The following SIDT2 variants were observed in gnomAD, a reference collection of about 807,000 sequenced individuals.
The protein encoded by SIDT2 is SID1 transmembrane family, member 2.
A neutral mutation model predicts 114.4 loss-of-function variants in SIDT2; 68 were observed. The ratio of observed to expected loss-of-function variants is 0.59; its 90% CI spans 0.49 to 0.73. The LOEUF (loss-of-function observed/expected upper bound fraction) is 0.73. Among genes scored for constraint, SIDT2 ranks in the 30% least tolerant of loss-of-function variants. SIDT2 has a pLI of 0.00. For synonymous variants in SIDT2, 470 were observed against 438.4 expected, an observed-to-expected ratio of 1.07 and a Z score of -0.90; for missense variants, 918 against 1,097.1, an observed-to-expected ratio of 0.84 and a Z score of 2.31.
intron 24 of SIDT2, among the ~76,000 whole-genome samples, chr11:117,195,597 C>T (rs1389108353): frequency 6.6e-6 from 1 of 152,106 alleles, no homozygotes; most frequent in African/African-American, 2.4e-5. Context: ...GGAAGAGAAG[C>T]CAGTGAACTC....
At chr11:117,181,723 G>A (rs1017865132) in intron 2 of SIDT2, 84 bp from the exon 3 acceptor site, 25 of 1,593,420 alleles carry the variant, frequency 1.6e-5, no homozygotes, top group African/African-American at 1.1e-4. Flanking sequence ...GAGACCAGAC[G>A]GGGCGAGGTG....
Position 117,188,054 on chromosome 11 carries a change from T to TC in SIDT2, c.1159+359dup. 4.0e-6 allele frequency: 2 copies of TC among 502,558 alleles called. No homozygotes were observed. The highest frequency in any genetic ancestry group is 7.7e-6 in the Non-Finnish European group (2 of 258,482). 31.1% of individuals were successfully genotyped at this position (502,558 alleles called of 1,614,324 possible). ...CCAGAAAGATTCTATGTGCATGGCT[T>TC]CCCCATGTAATTCCAGTAATTGCCC... On this transcript the variant is annotated intron_variant, in intron 12 of 25. Coordinates refer to ENST00000324225, the MANE Select transcript of SIDT2 (RefSeq NM_001040455.2). This position sits in a 1 kb window ranked among gnomAD's most constrained non-coding sequence, Gnocchi z 4.0.
chr11:117,185,421 C>A (rs2030458638), intron 8 of SIDT2, among the ~76,000 whole-genome samples: 1 of 152,082 alleles, frequency 6.6e-6, no homozygotes, highest in Non-Finnish European at 1.5e-5. Flanking sequence ...AGGTGGTATG[C>A]TAAGGCAGCA....
chr11:117,193,596 G>A (rs1052497158), intron 23 of SIDT2, among the ~76,000 whole-genome samples: 1 of 152,148 alleles, frequency 6.6e-6, no homozygotes, highest in Non-Finnish European at 1.5e-5. Context: ...TCTGATTGGA[G>A]CCCCCTGCAT....
chr11:117,190,362 C>G lies in SIDT2; in HGVS notation c.1617+73C>G, dbSNP rs1565287887. Reference sequence around the variant, plus strand: ...CCTCAAGCCTTGGCTCCAGGACACCCTTTTGGGCAGGCCTGGCCCTGCCTT... The same window carrying G: ...CCTCAAGCCTTGGCTCCAGGACACCGTTTTGGGCAGGCCTGGCCCTGCCTT... On this transcript the variant is annotated intron_variant, in intron 17 of 25. Transcript: ENST00000324225. The surrounding 1 kb of genome is among the most constrained non-coding windows in gnomAD (Gnocchi z 4.1). 4 of 1,516,166 alleles carry G rather than the reference C, an allele frequency of 2.6e-6. No homozygotes were observed. The highest frequency in any genetic ancestry group is 3.7e-4 in the Middle Eastern group (2 of 5,404). The allele number at this position is 1,516,166 out of a possible 1,614,324, so 93.9% of individuals were successfully genotyped here.
Position 117,193,267 on chromosome 11 carries a change from G to C in SIDT2, c.2211+9G>C, listed in dbSNP as rs759406225. On this transcript the variant is annotated intron_variant, in intron 23 of 25. Coordinates refer to ENST00000324225, the MANE Select transcript of SIDT2 (RefSeq NM_001040455.2). ...TCTACATCATCATGAAGGTGAGTGGGGCTGGCCAAGCCCCCTCTGTCAGCT... is the reference window on the plus strand; with the variant it reads ...TCTACATCATCATGAAGGTGAGTGGCGCTGGCCAAGCCCCCTCTGTCAGCT... 2 of 1,608,334 alleles carry C rather than the reference G, an allele frequency of 1.2e-6. No individual in the cohort carries two copies. Among genetic ancestry groups the C allele is most frequent in the Non-Finnish European group, 1.7e-6 (2 of 1,175,846 alleles).
chr11:117,182,175 G>T, intron 4 of SIDT2, 70 bp downstream of exon 4: 1 of 1,565,154 alleles, frequency 6.4e-7, no homozygotes, highest in African/African-American at 1.4e-5. Context: ...GGAGTGGCCA[G>T]CGGTCTTTGC....
chr11:117,185,967 G>C (rs1420971396), intron 8 of SIDT2, 163 bp from the exon 9 acceptor site: 1 of 577,442 alleles, frequency 1.7e-6, no homozygotes, highest in South Asian at 2.0e-5. Context: ...TGGTGTATTA[G>C]AGGAACTGCC....
At chr11:117,195,660 C>T (rs1233888980) in intron 24 of SIDT2, 142 bp from the exon 25 acceptor site, 17 of 786,606 alleles carry the variant, frequency 2.2e-5, no homozygotes, top group Non-Finnish European at 3.4e-5. Flanking sequence ...GGGGTAGGGA[C>T]AAGGACAAGG....
rs758532488 is a variant in SIDT2, at chr11:117,187,454, G to A, written c.1087+5G>A. The A allele has an allele frequency of 2.3e-5, 37 of 1,613,704 alleles. No individual in the cohort carries two copies. The highest frequency in any genetic ancestry group is 6.7e-5 in the Admixed American group (4 of 59,976). On this transcript the variant is annotated splice_donor_5th_base_variant and intron_variant, in intron 11 of 25. Transcript: ENST00000324225. Reference sequence around the variant, plus strand: ...GTTACAACTATGGCTCCTTTGGTACGTGTCAAAGCCAGCACCGTGCTTGCT... The same window carrying A: ...GTTACAACTATGGCTCCTTTGGTACATGTCAAAGCCAGCACCGTGCTTGCT...
rs2030408495 is a variant in SIDT2, at chr11:117,184,210, G to A, written c.868+71G>A. 11 of 1,483,974 alleles carry A rather than the reference G, an allele frequency of 7.4e-6. No homozygotes were observed. In the South Asian group the frequency reaches 1.3e-4, roughly 17 times the overall value. The allele number at this position is 1,483,974 out of a possible 1,614,324, so 91.9% of individuals were successfully genotyped here. A position where few individuals can be genotyped will look rare whatever the true frequency, so the allele number is the denominator to read the frequency against. ...CTCCTGCTTTCAGACCTGGGATATAGGGTGTGCCCTGAAGTGGGTGATGAG... is the reference window on the plus strand; with the variant it reads ...CTCCTGCTTTCAGACCTGGGATATAAGGTGTGCCCTGAAGTGGGTGATGAG... On this transcript the variant is annotated intron_variant, in intron 8 of 25. Transcript: ENST00000324225.
chr11:117,186,278 G>A, intron 9 of SIDT2, 55 bp downstream of exon 9: 1 of 1,489,592 alleles, frequency 6.7e-7, no homozygotes, highest in South Asian at 1.1e-5. Context: ...CAGGTGTGTG[G>A]GGCAGATCAC....
intron 7 of SIDT2, 83 bp downstream of exon 7, chr11:117,183,961 T>C (rs1013748266): frequency 1.3e-5 from 20 of 1,499,026 alleles, no homozygotes; most frequent in Non-Finnish European, 1.9e-5. Context: ...CGTGGCTGAT[T>C]GGTGGACCTG....
chr11:117,180,218 T>C (rs2030224558), intron 1 of SIDT2, among the ~76,000 whole-genome samples: 1 of 152,032 alleles, frequency 6.6e-6, no homozygotes, highest in African/African-American at 2.4e-5. Flanking sequence ...AGCAATGGAG[T>C]TGAGAATGGG....
chr11:117,194,440 C>CAT (rs1481155768), intron 24 of SIDT2, among the ~76,000 whole-genome samples: 10 of 152,224 alleles, frequency 6.6e-5, no homozygotes, highest in Admixed American at 1.3e-4. Context: ...AGATGAGGCT[C>CAT]AGAGAGGCCA....
intron 15 of SIDT2, 156 bp downstream of exon 15, chr11:117,189,557 A>AC (rs950631250): frequency 1.5e-5 from 11 of 715,034 alleles, no homozygotes; most frequent in East Asian, 5.4e-5. Flanking sequence ...AAATCACATA[A>AC]CCCCCCCAAC....
In SIDT2 at chr11:117,195,085, C is replaced by CAA. The variant is rs55970874; in HGVS notation, c.2323-689_2323-688dup. 1.2e-3 allele frequency among the ~76,000 whole-genome samples: 53 copies of CAA among 45,684 alleles called. 9 individuals carry two copies. The highest frequency in any genetic ancestry group is 2.8e-3 in the African/African-American group (44 of 15,802). The allele number at this position is 45,684 out of a possible 152,430, so 30.0% of individuals were successfully genotyped here. A position where few individuals can be genotyped will look rare whatever the true frequency, so the allele number is the denominator to read the frequency against. On this transcript the variant is annotated intron_variant, in intron 24 of 25. Transcript: ENST00000324225. ...CTGTCAACAGAGCAAGACTCTGTCT[C>CAA]AAAAAAAAAAAAAAAAAAAAAAAAA...
At chr11:117,182,183 T>C (rs1335701466) in intron 4 of SIDT2, 78 bp downstream of exon 4, 5 of 1,532,474 alleles carry the variant, frequency 3.3e-6, no homozygotes, top group African/African-American at 2.8e-5. Context: ...CAGCGGTCTT[T>C]GCTTGGCCTT....
chr11:117,179,126 C>T lies in SIDT2; in HGVS notation c.-138C>T, dbSNP rs745660408. Reference sequence around the variant, plus strand: ...CTCTTGGGAGGGGACATTTCCTAATCTCAGGCCGGGGTTAAAGTTCTGGTC... The same window carrying T: ...CTCTTGGGAGGGGACATTTCCTAATTTCAGGCCGGGGTTAAAGTTCTGGTC... On this transcript the variant is annotated 5_prime_UTR_variant, in exon 1 of 26. Transcript: ENST00000324225. 18 of 831,300 alleles carry T rather than the reference C, an allele frequency of 2.2e-5. No individual in the cohort carries two copies. The highest frequency in any genetic ancestry group is 3.3e-5 in the Non-Finnish European group (18 of 545,506). The allele number at this position is 831,300 out of a possible 1,614,324, so 51.5% of individuals were successfully genotyped here.
Sources: allele counts gnomAD v4.1 joint callset (sites outside exome capture counted in the v4.1 genomes callset), GRCh38; gene constraint gnomAD v4.1.1; non-coding constraint Gnocchi (gnomAD v3.1); transcripts MANE v1.5; gene names NCBI Gene and HGNC (gene_info 2026-07-23, HGNC 2026-07-21).